Variants in TSPAN32 observed in about 807,000 individuals in gnomAD.
The protein encoded by TSPAN32 is tetraspanin-32.
Under a neutral mutation model 42.7 loss-of-function variants are expected in TSPAN32, and 47 were observed. The observed-to-expected ratio is 1.10, with a 90% CI of 0.87 to 1.40. The LOEUF is 1.40. TSPAN32 is among the 40% of genes most tolerant of loss of function. The pLI is 0.00. For synonymous variants in TSPAN32, 175 were observed against 175.9 expected (o/e 0.99, Z 0.04); for missense variants, 469 against 424.1 (o/e 1.11, Z -0.93).
intron 1 of TSPAN32, 108 bp downstream of exon 1, chr11:2,302,323 C>T (rs1005100423): frequency 3.4e-6 from 4 of 1,190,016 alleles, no homozygotes; most frequent in Non-Finnish European, 4.4e-6. Context: ...ACACACCAGC[C>T]CTACTGTCCC....
At position 2,317,751 on chromosome 11, in the gene TSPAN32, GC is replaced by G. The variant is rs780494436; in HGVS notation, c.902-109del. Reference sequence around the variant, plus strand: ...CAGGGCAGACTGCAAGACACTGGTGGCCCACGGCCTGGAGGGCTCCACCCAG... The same window carrying G: ...CAGGGCAGACTGCAAGACACTGGTGGCCACGGCCTGGAGGGCTCCACCCAG... On this transcript the variant is annotated intron_variant, in intron 9 of 9. Transcript: ENST00000182290. This position sits in a 1 kb window ranked among gnomAD's most constrained non-coding sequence, Gnocchi z 6.2. 2.4e-4 allele frequency: 364 copies of G among 1,527,376 alleles called. No homozygotes were observed. Among genetic ancestry groups the G allele is most frequent in the Non-Finnish European group, 3.0e-4 (341 of 1,145,762 alleles). The allele number at this position is 1,527,376 out of a possible 1,614,324, so 94.6% of individuals were successfully genotyped here. A position where few individuals can be genotyped will look rare whatever the true frequency, so the allele number is the denominator to read the frequency against.
In TSPAN32 at chr11:2,314,564, C is replaced by T. The variant is rs778979541; in HGVS notation, c.536C>T (p.Ala179Val). Residue 179 changes from alanine to valine, a missense_variant, in exon 6 of 10, where the codon GCG becomes GTG. By Grantham distance (64) the Ala-to-Val change is moderately conservative. Coordinates refer to ENST00000182290, the MANE Select transcript of TSPAN32 (RefSeq NM_139022.3). ...EADLCQGEEA[A>V]REDCLQGIRS... ...GACCTGTGTCAGGGAGAGGAGGCGG[C>T]GAGAGAGGTGAGGGGGGGACCTGGA... 37 of 1,607,784 alleles carry T rather than the reference C, an allele frequency of 2.3e-5. No individual in the cohort carries two copies. Among genetic ancestry groups the T allele is most frequent in the Admixed American group, 8.5e-5 (5 of 59,120 alleles).
In TSPAN32 at chr11:2,302,974, G is replaced by C. The variant is rs777841962; in HGVS notation, c.181+16G>C. The C allele has an allele frequency of 7.5e-6, 12 of 1,606,698 alleles. No homozygotes were observed. The highest frequency in any genetic ancestry group is 1.3e-5 in the African/African-American group (1 of 74,774). Reference sequence around the variant, plus strand: ...CACCAATGGGGTAAGTGAGGTCCAGGCCTGGCTGCATCGGGAGGGGCCTCG... The same window carrying C: ...CACCAATGGGGTAAGTGAGGTCCAGCCCTGGCTGCATCGGGAGGGGCCTCG... On this transcript the variant is annotated intron_variant, in intron 2 of 9. Transcript: ENST00000182290.
At chr11:2,302,993 G>A (rs1847852285) in intron 2 of TSPAN32, 35 bp downstream of exon 2, 2 of 1,578,814 alleles carry the variant, frequency 1.3e-6, no homozygotes, top group Middle Eastern at 1.7e-4. Flanking sequence ...CATCGGGAGG[G>A]GCCTCGGGTG....
chr11:2,305,371 C>CCCG (rs386372925), intron 3 of TSPAN32, among the ~76,000 whole-genome samples: 6 of 34,376 alleles, frequency 1.7e-4, no homozygotes, highest in South Asian at 1.2e-3. Flanking sequence ...AGGTAGTCTG[C>CCCG]CCCCCCCCCC....
At chr11:2,316,361 C>A in intron 7 of TSPAN32, 49 bp downstream of exon 7, 4 of 1,558,202 alleles carry the variant, frequency 2.6e-6, no homozygotes, top group Non-Finnish European at 3.5e-6. Context: ...TGCCCCTCAG[C>A]CTGCCCAGCC....
intron 3 of TSPAN32, among the ~76,000 whole-genome samples, chr11:2,305,281 A>G (rs1202149986): frequency 1.3e-5 from 2 of 151,618 alleles, no homozygotes; most frequent in East Asian, 3.9e-4. Context: ...GGGGCACACG[A>G]GCATGGGCAG....
intron 4 of TSPAN32, among the ~76,000 whole-genome samples, chr11:2,311,873 C>T (rs1021092232): frequency 2.0e-5 from 3 of 152,238 alleles, no homozygotes; most frequent in African/African-American, 7.2e-5. Flanking sequence ...TGAAGCATCA[C>T]CTAGGAGCCC....
chr11:2,302,914 G>T lies in TSPAN32; in HGVS notation c.137G>T (p.Arg46Leu), dbSNP rs371441475. ...GGGGCCCACTTTGCTGTCATCCGCCGAGCGTCCCTGGAGAAGAACCCGTAC... is the reference window on the plus strand; with the variant it reads ...GGGGCCCACTTTGCTGTCATCCGCCTAGCGTCCCTGGAGAAGAACCCGTAC... ...YFGAHFAVIR[R>L]ASLEKNPYQA... Residue 46 changes from arginine to leucine, a missense_variant, in exon 2 of 10, where the codon CGA becomes CTA. Physicochemically the swap from Arg to Leu is moderately radical, Grantham distance 102. Coordinates refer to ENST00000182290, the MANE Select transcript of TSPAN32 (RefSeq NM_139022.3). 18 of 1,613,566 alleles carry T rather than the reference G, an allele frequency of 1.1e-5. 1 individual carries two copies. The East Asian group carries it at 1.6e-4, about 14-fold the overall frequency.
At chr11:2,305,370 G>GCCCCC (rs3034695) in intron 3 of TSPAN32, among the ~76,000 whole-genome samples, 46 of 135,280 alleles carry the variant, frequency 3.4e-4, no homozygotes, top group Middle Eastern at 3.9e-3. Context: ...CAGGTAGTCT[G>GCCCCC]CCCCCCCCCC....
At chr11:2,314,846 T>A (rs950773276) in intron 6 of TSPAN32, 1 of 489,952 alleles carries the variant, frequency 2.0e-6, no homozygotes, top group African/African-American at 2.0e-5. Flanking sequence ...CGCCATTCAC[T>A]CCTTCAAGCC....
Position 2,314,528 on chromosome 11 carries a change from G to A in TSPAN32, c.500G>A (p.Ser167Asn). The change falls in exon 6 of 10, where the codon AGC becomes AAC. Residue 167 changes from serine to asparagine, a missense_variant. Ser to Asn is a conservative substitution (Grantham distance 46, BLOSUM62 1). Transcript: ENST00000182290. Reference sequence around the variant, plus strand: ...AAGTCTCCTTTCAGCCGTCTGGGGAGCACAGAGGCTGACCTGTGTCAGGGA... The same window carrying A: ...AAGTCTCCTTTCAGCCGTCTGGGGAACACAGAGGCTGACCTGTGTCAGGGA... ...GKKSPFSRLGSTEADLCQGEE... is the reference protein window; with the variant it reads ...GKKSPFSRLGNTEADLCQGEE... The A allele has an allele frequency of 6.2e-7, 1 of 1,612,448 alleles. No homozygotes were observed. Among genetic ancestry groups the A allele is most frequent in the Non-Finnish European group, 8.5e-7 (1 of 1,179,386 alleles).
At chr11:2,307,889 C>T (rs756927) in intron 3 of TSPAN32, among the ~76,000 whole-genome samples, 135,300 of 152,202 alleles carry the variant, frequency 0.89, 61,027 homozygotes, top group Non-Finnish European at 0.93. Context: ...AGAGAGGCCA[C>T]AGCATCCTGA....
In TSPAN32 at chr11:2,314,535, G is replaced by A. The variant is rs757864779; in HGVS notation, c.507G>A (p.Glu169=). 1.2e-6 allele frequency: 2 copies of A among 1,612,464 alleles called. No individual in the cohort carries two copies. Among genetic ancestry groups the A allele is most frequent in the Admixed American group, 1.7e-5 (1 of 59,828 alleles). The change falls in exon 6 of 10, where the codon GAG becomes GAA. Residue 169 remains glutamate (E), a synonymous_variant. Coordinates refer to ENST00000182290, the MANE Select transcript of TSPAN32 (RefSeq NM_139022.3). ...CTTTCAGCCGTCTGGGGAGCACAGA[G>A]GCTGACCTGTGTCAGGGAGAGGAGG... ...KSPFSRLGST[E]ADLCQGEEAA...
Position 2,318,198 on chromosome 11 carries a change from A to G in TSPAN32, c.*274A>G, listed in dbSNP as rs1848909987. The stretch of plus-strand genomic sequence containing the variant: ...AATACATTCACATTGTTGTGCAACC[A>G]TCACCACCATCTATCTCCAGAACTT... On this transcript the variant is annotated 3_prime_UTR_variant, in exon 10 of 10. Coordinates refer to ENST00000182290, the MANE Select transcript of TSPAN32 (RefSeq NM_139022.3). The surrounding 1 kb of genome is among the most constrained non-coding windows in gnomAD (Gnocchi z 4.2). The G allele has an allele frequency of 2.3e-6, 1 of 426,270 alleles. No homozygotes were observed. Among genetic ancestry groups the G allele is most frequent in the Non-Finnish European group, 4.2e-6 (1 of 240,666 alleles). 26.4% of individuals were successfully genotyped at this position (426,270 alleles called of 1,614,324 possible).
chr11:2,315,853 C>T (rs1470607653), intron 6 of TSPAN32: 1 of 1,383,654 alleles, frequency 7.2e-7, no homozygotes, highest in Non-Finnish European at 9.6e-7. Flanking sequence ...TTAGCCATCA[C>T]CCTCTGGTCA....
At chr11:2,314,682 A>G (rs1848674382) in intron 6 of TSPAN32, 111 bp downstream of exon 6, 2 of 849,040 alleles carry the variant, frequency 2.4e-6, no homozygotes, top group Admixed American at 4.3e-5. Context: ...TGGCCTCCCC[A>G]GACCCTTGGG....
intron 2 of TSPAN32, among the ~76,000 whole-genome samples, chr11:2,303,640 A>G (rs781690341): frequency 6.6e-5 from 10 of 152,066 alleles, no homozygotes; most frequent in East Asian, 5.8e-4. Context: ...TTAGAACCCA[A>G]TGCTTTTCCC....
intron 1 of TSPAN32, among the ~76,000 whole-genome samples, chr11:2,302,423 G>A (rs1847809306): frequency 6.6e-6 from 1 of 152,232 alleles, no homozygotes; most frequent in African/African-American, 2.4e-5. Flanking sequence ...CTCCTCCTGA[G>A]GGGCAGCACA....
Sources: allele counts gnomAD v4.1 joint callset (sites outside exome capture counted in the v4.1 genomes callset), GRCh38; gene constraint gnomAD v4.1.1; non-coding constraint Gnocchi (gnomAD v3.1); transcripts MANE v1.5; gene names NCBI Gene and HGNC (gene_info 2026-07-23, HGNC 2026-07-21).